EGFR: variants seen among roughly 807,000 people sequenced by gnomAD.
EGFR encodes the protein epidermal growth factor receptor, also known as avian erythroblastic leukemia viral (v-erb-b) oncogene homolog.
In EGFR, 58 loss-of-function variants were observed where a neutral mutation model predicts 143.0. That is an observed-to-expected ratio of 0.41 (90% CI 0.33 to 0.50). The LOEUF (loss-of-function observed/expected upper bound fraction) is 0.50, where lower values mean the gene tolerates loss of function less well. EGFR is among the 20% of genes least tolerant of loss of function. EGFR has a pLI of 0.39. For synonymous variants in EGFR, 613 were observed against 594.4 expected (o/e 1.03, Z -0.45); for missense variants, 1,307 against 1,579.0 (o/e 0.83, Z 2.92).
At chr7:55,130,089 G>A (rs973615577) in intron 1 of EGFR, among the ~76,000 whole-genome samples, 6 of 152,170 alleles carry the variant, frequency 3.9e-5, no homozygotes, top group African/African-American at 1.2e-4. Flanking sequence ...TTTACTCTCT[G>A]GCTGTATTCA....
intron 2 of EGFR, among the ~76,000 whole-genome samples, 186 bp from the exon 3 acceptor site, chr7:55,143,119 T>C (rs564749239): frequency 6.6e-6 from 1 of 152,348 alleles, no homozygotes; most frequent in East Asian, 1.9e-4. Context: ...GCAGGGATTG[T>C]TGCAGATCGT....
chr7:55,110,505 T>C (rs1434494795), intron 1 of EGFR, among the ~76,000 whole-genome samples: 1 of 152,240 alleles, frequency 6.6e-6, no homozygotes, highest in Non-Finnish European at 1.5e-5. Context: ...TCGTTGGCAC[T>C]GACCCCGATG....
chr7:55,196,178 A>ATTTTTTATTTTTTTTTTTTT, intron 22 of EGFR, among the ~76,000 whole-genome samples: 1 of 88,126 alleles, frequency 1.1e-5, no homozygotes, highest in Non-Finnish European at 2.0e-5. Flanking sequence ...ATGTGTTGGG[A>ATTTTTTATTTTTTTTTTTTT]TTTTTTTTTT....
At chr7:55,177,641 G>C (rs1214159963) in intron 19 of EGFR, among the ~76,000 whole-genome samples, 1 of 152,226 alleles carries the variant, frequency 6.6e-6, no homozygotes, top group Non-Finnish European at 1.5e-5. Flanking sequence ...TCACAGATGA[G>C]AGAGACAAGC....
At chr7:55,087,141 CG>C (rs932260355) in intron 1 of EGFR, among the ~76,000 whole-genome samples, 1 of 151,888 alleles carries the variant, frequency 6.6e-6, no homozygotes, top group South Asian at 2.1e-4. Flanking sequence ...TGACCACAAG[CG>C]GGGGGAAGAG....
intron 15 of EGFR, 146 bp from the exon 16 acceptor site, chr7:55,171,029 C>T (rs1786325261): frequency 1.3e-6 from 2 of 1,497,916 alleles, no homozygotes; most frequent in Non-Finnish European, 8.9e-7. Context: ...TAATTAACCA[C>T]CAATCCAACA....
intron 1 of EGFR, among the ~76,000 whole-genome samples, chr7:55,102,660 A>C (rs2128902361): frequency 6.6e-6 from 1 of 152,316 alleles, no homozygotes; most frequent in African/African-American, 2.4e-5. Flanking sequence ...TTTGGAAAAA[A>C]CATTTTTCAA....
intron 10 of EGFR, 138 bp from the exon 11 acceptor site, chr7:55,157,525 T>C (rs996610002): frequency 1.0e-5 from 8 of 770,546 alleles, no homozygotes; most frequent in African/African-American, 1.0e-4. Flanking sequence ...GAGAAGATGA[T>C]AATGAAAAAG....
intron 1 of EGFR, among the ~76,000 whole-genome samples, chr7:55,115,560 G>A (rs1792786128): frequency 6.6e-6 from 1 of 152,186 alleles, no homozygotes; most frequent in African/African-American, 2.4e-5. Context: ...GTAAGGGAGA[G>A]TAACTCGCAG....
At chr7:55,112,392 G>A (rs544749916) in intron 1 of EGFR, among the ~76,000 whole-genome samples, 3 of 152,360 alleles carry the variant, frequency 2.0e-5, no homozygotes, top group African/African-American at 4.8e-5. Flanking sequence ...GCAGCTGCCC[G>A]GGGTGGCACG....
chr7:55,020,559 TACACACACACAC>T (rs11568315), intron 1 of EGFR, among the ~76,000 whole-genome samples: 1 of 145,152 alleles, frequency 6.9e-6, no homozygotes, highest in South Asian at 2.2e-4. Context: ...AAACCTGTCT[TACACACACACAC>T]ACACACACAC....
intron 1 of EGFR, among the ~76,000 whole-genome samples, chr7:55,053,185 C>A (rs1176301165): frequency 6.6e-6 from 1 of 152,144 alleles, no homozygotes; most frequent in Non-Finnish European, 1.5e-5. Flanking sequence ...TTAATTATTA[C>A]TAGTTTAATG....
intron 1 of EGFR, among the ~76,000 whole-genome samples, chr7:55,046,002 T>C (rs78445787): frequency 1.3e-5 from 2 of 152,230 alleles, no homozygotes; most frequent in African/African-American, 4.8e-5. Flanking sequence ...ATTTGGGACA[T>C]ATTGAGTTAA....
chr7:55,161,580 G>C lies in EGFR; in HGVS notation c.1580G>C (p.Arg527Pro), dbSNP rs150477666. 1 of 1,614,282 alleles carries C rather than the reference G, an allele frequency of 6.2e-7. No homozygotes were observed. Among genetic ancestry groups the C allele is most frequent in the Non-Finnish European group, 8.5e-7 (1 of 1,180,054 alleles). Residue 527 changes from arginine (R) to proline (P), a missense_variant, in exon 13 of 28, where the codon CGG becomes CCG. By Grantham distance (103) the Arg-to-Pro change is moderately radical. Coordinates refer to ENST00000275493, the MANE Select transcript of EGFR (RefSeq NM_005228.5). ...GAGCCCAGGGACTGCGTCTCTTGCC[G>C]GAATGTCAGCCGAGGCAGGGAATGC... is the stretch of plus-strand genomic sequence containing the variant. ...GPEPRDCVSC[R>P]NVSRGRECVD...
At chr7:55,166,929 A>C (rs1405128413) in intron 15 of EGFR, among the ~76,000 whole-genome samples, 1 of 118,804 alleles carries the variant, frequency 8.4e-6, no homozygotes, top group Admixed American at 8.1e-5. Flanking sequence ...GGTGGTGTTG[A>C]TGGTGGTGAT....
intron 22 of EGFR, among the ~76,000 whole-genome samples, chr7:55,194,150 T>G (rs1173972628): frequency 5.3e-5 from 8 of 151,766 alleles, no homozygotes; most frequent in Admixed American, 3.3e-4. Flanking sequence ...CACAGCCCGG[T>G]CTCCTGCTGG....
At chr7:55,153,532 G>A (rs558721244) in intron 6 of EGFR, among the ~76,000 whole-genome samples, 11 of 152,326 alleles carry the variant, frequency 7.2e-5, no homozygotes, top group African/African-American at 2.4e-4. Flanking sequence ...AAGACTGTGC[G>A]TGGGGTTGGT....
intron 1 of EGFR, among the ~76,000 whole-genome samples, chr7:55,044,779 C>G (rs1321688483): frequency 6.6e-6 from 1 of 152,186 alleles, no homozygotes; most frequent in Non-Finnish European, 1.5e-5. Context: ...TCACTTATGC[C>G]TATAAGCGGG....
intron 1 of EGFR, among the ~76,000 whole-genome samples, chr7:55,136,381 C>T (rs1276580444): frequency 6.6e-6 from 1 of 152,192 alleles, no homozygotes; most frequent in African/African-American, 2.4e-5. Context: ...TCTTCCCATA[C>T]AGCCCACCTC....
Sources: gnomAD v4.1 joint callset for allele counts (sites outside exome capture counted in the v4.1 genomes callset) on GRCh38, gnomAD v4.1.1 for gene constraint, MANE v1.5 for transcripts, NCBI Gene and HGNC (gene_info 2026-07-23, HGNC 2026-07-21) for gene names.